Variants in USP54 observed in about 807,000 individuals in gnomAD.
USP54 encodes ubiquitin carboxyl-terminal hydrolase 54.
A neutral mutation model predicts 170.5 loss-of-function variants in USP54; 87 were observed. The ratio of observed to expected loss-of-function variants is 0.51; its 90% CI spans 0.43 to 0.61. USP54 has a LOEUF of 0.61. USP54 is among the 20% of genes least tolerant of loss of function. USP54 has a pLI of 0.00. For synonymous variants in USP54, 655 were observed against 742.8 expected, an observed-to-expected ratio of 0.88 and a Z score of 1.92; for missense variants, 1,786 against 2,047.8, an observed-to-expected ratio of 0.87 and a Z score of 2.47.
intron 22 of USP54, among the ~76,000 whole-genome samples, chr10:73,503,494 A>G (rs2058532472): frequency 6.6e-6 from 1 of 152,226 alleles, no homozygotes; most frequent in South Asian, 2.1e-4. Context: ...TACAGAATCA[A>G]TAAGCATTTA....
At chr10:73,541,221 C>G (rs917329138) in intron 9 of USP54, among the ~76,000 whole-genome samples, 154 bp downstream of exon 9, 3 of 152,210 alleles carry the variant, frequency 2.0e-5, no homozygotes, top group African/African-American at 7.2e-5. Context: ...CACATACCTG[C>G]AAGCACGGGT....
intron 18 of USP54, among the ~76,000 whole-genome samples, chr10:73,520,699 G>A (rs1358487516): frequency 6.6e-6 from 1 of 152,188 alleles, no homozygotes; most frequent in African/African-American, 2.4e-5. Context: ...CCTTGCTGAG[G>A]TTATTCTGGT....
intron 17 of USP54, among the ~76,000 whole-genome samples, chr10:73,521,463 A>G (rs1425203826): frequency 1.3e-5 from 2 of 152,250 alleles, no homozygotes; most frequent in Non-Finnish European, 1.5e-5. Context: ...AGAACACCCT[A>G]GATGTCAACT....
chr10:73,582,381 G>C (rs2076999136), intron 1 of USP54, among the ~76,000 whole-genome samples: 1 of 151,918 alleles, frequency 6.6e-6, no homozygotes, highest in Non-Finnish European at 1.5e-5. Context: ...AGTTTCTAAG[G>C]AGAAGGACTT....
chr10:73,545,691 A>G lies in USP54; in HGVS notation c.241-19T>C, dbSNP rs764983779. The G allele has an allele frequency of 1.9e-6, 3 of 1,612,152 alleles. No homozygotes were observed. The highest frequency in any genetic ancestry group is 1.1e-5 in the South Asian group (1 of 90,954). Reference sequence around the variant, plus strand: ...AGATTCCCTATAGGGAAGAGGTTAGACAAGAGAAAAAGTACAATGCTGTTA... The same window carrying G: ...AGATTCCCTATAGGGAAGAGGTTAGGCAAGAGAAAAAGTACAATGCTGTTA... On this transcript the variant is annotated intron_variant, in intron 4 of 23. Transcript: ENST00000687698.
At position 73,575,920 on chromosome 10, in the gene USP54, C is replaced by G. The variant is rs188745832; in HGVS notation, c.-140G>C. 72 of 286,278 alleles carry G rather than the reference C, an allele frequency of 2.5e-4. No individual in the cohort carries two copies. The highest frequency in any genetic ancestry group is 1.5e-3 in the African/African-American group (69 of 45,880). 17.7% of individuals were successfully genotyped at this position (286,278 alleles called of 1,614,324 possible). On this transcript the variant is annotated 5_prime_UTR_variant, in exon 2 of 24. Transcript: ENST00000687698. ...TAACATGGCACAGGACTAATGCAAA[C>G]AGAGAAATCCTTAAGTATTGCTTCC...
At chr10:73,537,930 C>G (rs558082553) in intron 10 of USP54, 1 of 152,364 alleles carries the variant, frequency 6.6e-6, no homozygotes, top group South Asian at 2.1e-4. Context: ...CAAGGCCGGG[C>G]GTGGTGGCTC....
At chr10:73,590,595 A>G (rs2078129372) in intron 1 of USP54, among the ~76,000 whole-genome samples, 1 of 152,220 alleles carries the variant, frequency 6.6e-6, no homozygotes, top group Admixed American at 6.5e-5. Flanking sequence ...CTCAATCTAA[A>G]TATCAAATAT....
chr10:73,510,427 T>C (rs1371860786), intron 20 of USP54, among the ~76,000 whole-genome samples: 3 of 151,772 alleles, frequency 2.0e-5, no homozygotes, highest in African/African-American at 7.3e-5. Context: ...TATAAGTACC[T>C]GGAGGGTTAT....
chr10:73,536,903 T>C (rs1041314856), intron 10 of USP54, among the ~76,000 whole-genome samples: 2 of 152,224 alleles, frequency 1.3e-5, no homozygotes, highest in Non-Finnish European at 2.9e-5. Flanking sequence ...CAGACTGCCT[T>C]AGAACAAATG....
intron 4 of USP54, among the ~76,000 whole-genome samples, chr10:73,559,989 T>C (rs1280679256): frequency 6.7e-6 from 1 of 148,990 alleles, no homozygotes; most frequent in Non-Finnish European, 1.5e-5. Context: ...AGGTTGCAGT[T>C]AGCTGAGATA....
rs969972104 is a variant in USP54, at chr10:73,520,062, GA to G, written c.2483-71del. ...AAATAAAAATAAAAAGAATAAAATT[GA>G]AAAAAAATGAGCAAAGATATGCAGT... On this transcript the variant is annotated intron_variant, in intron 18 of 23. Coordinates refer to ENST00000687698, the MANE Select transcript of USP54 (RefSeq NM_001391956.1). 194 of 1,517,590 alleles carry G rather than the reference GA, an allele frequency of 1.3e-4. 1 individual carries two copies. The African/African-American group carries it at 2.1e-3, about 17-fold the overall frequency. The allele number at this position is 1,517,590 out of a possible 1,614,324, so 94.0% of individuals were successfully genotyped here.
chr10:73,602,102 A>G (rs1018974707), intron 1 of USP54, among the ~76,000 whole-genome samples: 10 of 152,180 alleles, frequency 6.6e-5, no homozygotes, highest in African/African-American at 2.4e-4. Context: ...AGGCAGCTAA[A>G]TGTACTGTAT....
rs999584890 is a variant in USP54 at position 73,536,574 on chromosome 10, G to T, written c.976-137C>A. On this transcript the variant is annotated intron_variant, in intron 10 of 23. Coordinates refer to ENST00000687698, the MANE Select transcript of USP54 (RefSeq NM_001391956.1). ...AATTGGGTAAAAAGGCAGCAAAAAA[G>T]ATCTCAGACCTAACACTTTTTTAAT... 3.7e-5 allele frequency: 37 copies of T among 1,003,550 alleles called. No homozygotes were observed. The African/African-American group carries it at 6.2e-4, about 17-fold the overall frequency. The allele number at this position is 1,003,550 out of a possible 1,614,324, so 62.2% of individuals were successfully genotyped here.
chr10:73,523,216 G>A (rs1171802685), intron 17 of USP54, among the ~76,000 whole-genome samples: 1 of 152,152 alleles, frequency 6.6e-6, no homozygotes, highest in Non-Finnish European at 1.5e-5. Flanking sequence ...ATATTTCATG[G>A]GTATGTTTCT....
At chr10:73,610,361 A>T (rs900987515) in intron 1 of USP54, among the ~76,000 whole-genome samples, 9 of 152,052 alleles carry the variant, frequency 5.9e-5, no homozygotes, top group African/African-American at 2.2e-4. Context: ...TCACACCTGT[A>T]CTGTAATCCC....
At chr10:73,546,084 T>A (rs2067732499) in intron 4 of USP54, among the ~76,000 whole-genome samples, 1 of 152,182 alleles carries the variant, frequency 6.6e-6, no homozygotes, top group Admixed American at 6.6e-5. Flanking sequence ...CTTTTAAAAT[T>A]TCCAGCTAAT....
chr10:73,539,537 TC>T lies in USP54; in HGVS notation c.881del (p.Gly294GlufsTer2). On this transcript the variant is annotated frameshift_variant, in exon 10 of 24. Coordinates refer to ENST00000687698, the MANE Select transcript of USP54 (RefSeq NM_001391956.1). LOFTEE classifies it high-confidence loss of function. The part of the protein sequence containing the change: ...RAKQSELYLV[G>X]MICYYGKHYS... Reference sequence around the variant, plus strand: ...AATGTTTGCCATAGTAACAGATCATTCCAACTAAGTACAGTTCAGATTGCTT... The same window carrying T: ...AATGTTTGCCATAGTAACAGATCATTCAACTAAGTACAGTTCAGATTGCTT... 6.2e-7 allele frequency: 1 copy of T among 1,612,084 alleles called. No individual in the cohort carries two copies. The highest frequency in any genetic ancestry group is 8.5e-7 in the Non-Finnish European group (1 of 1,178,676).
intron 4 of USP54, among the ~76,000 whole-genome samples, chr10:73,556,507 G>A (rs1157199598): frequency 2.0e-5 from 3 of 151,706 alleles, no homozygotes; most frequent in Admixed American, 6.6e-5. Flanking sequence ...CACCACGCCC[G>A]GCTAATTTTT....
Sources: allele counts gnomAD v4.1 joint callset (sites outside exome capture counted in the v4.1 genomes callset), GRCh38; gene constraint gnomAD v4.1.1; transcripts MANE v1.5; gene names NCBI Gene and HGNC (gene_info 2026-07-23, HGNC 2026-07-21).